TSC1: variants seen among roughly 807,000 people sequenced by gnomAD.
TSC1 encodes the protein TSC complex subunit 1.
A neutral mutation model predicts 124.3 loss-of-function variants in TSC1; 20 were observed. The observed-to-expected ratio is 0.16, with a 90% CI of 0.11 to 0.23. TSC1 has a LOEUF of 0.23. Ranked by LOEUF, TSC1 falls within the 10% of genes least tolerant of loss-of-function variation. The pLI, the probability that TSC1 is intolerant of heterozygous loss-of-function variation, is 1.00. For missense variants in TSC1, 1,124 were observed against 1,448.5 expected, an observed-to-expected ratio of 0.78 and a Z score of 3.64; for synonymous variants, 493 against 539.1, an observed-to-expected ratio of 0.91 and a Z score of 1.19.
rs1564469544 is a variant in TSC1, at chr9:132,896,307, A to T, written c.3423T>A (p.Ser1141=). The T allele has an allele frequency of 1.2e-6, 2 of 1,614,038 alleles. No individual in the cohort carries two copies. The highest frequency in any genetic ancestry group is 1.7e-6 in the Non-Finnish European group (2 of 1,179,996). ...GTCCAACACTGTCCGGGGTCGGGGG[A>T]GACGGGTGAGGGCCATCTAGGTTCA... ...IPLNLDGPHP[S]PPTPDSVGQL... Residue 1141 remains serine (S), a synonymous_variant, in exon 23 of 23, where the codon TCT becomes TCA. Coordinates refer to ENST00000298552, the MANE Select transcript of TSC1 (RefSeq NM_000368.5). The surrounding 1 kb of genome is among the most constrained non-coding windows in gnomAD (Gnocchi z 4.5).
rs1846691698 is a variant in TSC1, at chr9:132,923,624, C to T, written c.364-132G>A. ...CAAGTTGACTCACGTACTCATTTCCCTATCCCTAAGGATTACTGAAGGGAT... is the reference window on the plus strand; with the variant it reads ...CAAGTTGACTCACGTACTCATTTCCTTATCCCTAAGGATTACTGAAGGGAT... On this transcript the variant is annotated intron_variant, in intron 5 of 22. Coordinates refer to ENST00000298552, the MANE Select transcript of TSC1 (RefSeq NM_000368.5). This position sits in a 1 kb window ranked among gnomAD's most constrained non-coding sequence, Gnocchi z 4.2. 1 of 1,283,506 alleles carries T rather than the reference C, an allele frequency of 7.8e-7. No homozygotes were observed. The highest frequency in any genetic ancestry group is 1.1e-6 in the Non-Finnish European group (1 of 901,698). The allele number at this position is 1,283,506 out of a possible 1,614,324, so 79.5% of individuals were successfully genotyped here.
intron 12 of TSC1, among the ~76,000 whole-genome samples, chr9:132,909,280 G>A (rs1454357624): frequency 6.6e-6 from 1 of 152,096 alleles, no homozygotes; most frequent in Non-Finnish European, 1.5e-5. Context: ...GAAAATATTG[G>A]CTCCTCAAGC....
At chr9:132,925,180 T>C (rs1166381406) in intron 5 of TSC1, among the ~76,000 whole-genome samples, 1 of 152,240 alleles carries the variant, frequency 6.6e-6, no homozygotes, top group Non-Finnish European at 1.5e-5. Flanking sequence ...TAATTATAGC[T>C]GCAACCAGAC....
rs878853959 is a variant in TSC1 at position 132,910,578 on chromosome 9, G to A, written c.1256C>T (p.Pro419Leu). 6.2e-7 allele frequency: 1 copy of A among 1,614,060 alleles called. No homozygotes were observed. The highest frequency in any genetic ancestry group is 8.5e-7 in the Non-Finnish European group (1 of 1,180,028). Residue 419 changes from proline to leucine, a missense_variant, in exon 12 of 23, where the codon CCC becomes CTC. Transcript: ENST00000298552. ...ISLPQATVTP[P>L]RKEERMDSAR... Reference sequence around the variant, plus strand: ...AGACGAGCTGGATCGCACCTTCCTGGGGGGTGTGACTGTGGCCTGGGGGAG... The same window carrying A: ...AGACGAGCTGGATCGCACCTTCCTGAGGGGTGTGACTGTGGCCTGGGGGAG...
At chr9:132,898,602 C>T (rs1480788308) in intron 20 of TSC1, among the ~76,000 whole-genome samples, 1 of 152,216 alleles carries the variant, frequency 6.6e-6, no homozygotes, top group Admixed American at 6.5e-5. Flanking sequence ...GGCTCGACTT[C>T]AGCACAGGGT....
chr9:132,920,382 A>G (rs1846483467), intron 8 of TSC1, among the ~76,000 whole-genome samples: 1 of 152,236 alleles, frequency 6.6e-6, no homozygotes, highest in Non-Finnish European at 1.5e-5. Context: ...TCTCTGAGGT[A>G]GTAGGGAGAA....
intron 8 of TSC1, among the ~76,000 whole-genome samples, chr9:132,919,625 T>G (rs886158621): frequency 2.0e-5 from 3 of 152,142 alleles, no homozygotes; most frequent in African/African-American, 7.2e-5. Context: ...AAAAAGCTCC[T>G]AGAGGCTATG....
rs118203355 is a variant in TSC1 at position 132,925,723 on chromosome 9, A to C, written c.227T>G (p.Ile76Ser). The stretch of plus-strand genomic sequence containing the variant: ...GGCGGCTTTGCCCACATATTCGTTA[A>C]TCCTGTCCAAGAGGTGCTGAAAATG... ...EPHDKHLLDR[I>S]NEYVGKAATR... is the part of the protein sequence containing the mutation. The change falls in exon 5 of 23, where the codon ATT becomes AGT. Residue 76 changes from isoleucine (I) to serine (S), a missense_variant. Physicochemically the swap from Ile to Ser is moderately radical, Grantham distance 142. Around this residue, in one of 5 missense-constraint regions of TSC1, gnomAD observed 463 missense variants for 606.8 expected, o/e 0.76. Coordinates refer to ENST00000298552, the MANE Select transcript of TSC1 (RefSeq NM_000368.5). 6.2e-7 allele frequency: 1 copy of C among 1,614,122 alleles called. No individual in the cohort carries two copies. The highest frequency in any genetic ancestry group is 8.5e-7 in the Non-Finnish European group (1 of 1,180,056).
At chr9:132,919,439 A>G (rs1441241507) in intron 8 of TSC1, among the ~76,000 whole-genome samples, 1 of 152,196 alleles carries the variant, frequency 6.6e-6, no homozygotes, top group Non-Finnish European at 1.5e-5. Flanking sequence ...CAACAAAGAG[A>G]ACTCCCTACC....
rs1845669919 is a variant in TSC1 at position 132,906,338 on chromosome 9, G to A, written c.1439-199C>T. ...AGGAGGGAGGATCACTTGAGCCCAGGAGTTAGAGACCAGCCTGGACAACAT... is the reference window on the plus strand; with the variant it reads ...AGGAGGGAGGATCACTTGAGCCCAGAAGTTAGAGACCAGCCTGGACAACAT... On this transcript the variant is annotated intron_variant, in intron 14 of 22. Transcript: ENST00000298552. The surrounding 1 kb of genome is among the most constrained non-coding windows in gnomAD (Gnocchi z 4.1). The A allele has an allele frequency of 3.0e-6, 2 of 666,416 alleles. No individual in the cohort carries two copies. Among genetic ancestry groups the A allele is most frequent in the Non-Finnish European group, 5.3e-6 (2 of 374,754 alleles). The allele number at this position is 666,416 out of a possible 1,614,324, so 41.3% of individuals were successfully genotyped here.
chr9:132,925,828 A>C, intron 4 of TSC1, 89 bp from the exon 5 acceptor site: 1 of 1,522,202 alleles, frequency 6.6e-7, no homozygotes, highest in Non-Finnish European at 9.1e-7. Context: ...CCAATCTCTC[A>C]AGTCTTGTCT....
At chr9:132,916,854 C>A (rs971532948) in intron 8 of TSC1, among the ~76,000 whole-genome samples, 1 of 152,188 alleles carries the variant, frequency 6.6e-6, no homozygotes, top group East Asian at 1.9e-4. Flanking sequence ...TTTCCCTGGA[C>A]ATGGTCCTGT....
At chr9:132,912,616 GC>G (rs983126857) in intron 8 of TSC1, 159 bp from the exon 9 acceptor site, 2 of 767,930 alleles carry the variant, frequency 2.6e-6, no homozygotes, top group African/African-American at 3.5e-5. Flanking sequence ...TAAAGAAATA[GC>G]CATTCATTTT....
At chr9:132,928,687 G>A (rs1847025604) in intron 3 of TSC1, 80 bp downstream of exon 3, 1 of 1,570,172 alleles carries the variant, frequency 6.4e-7, no homozygotes, top group Non-Finnish European at 8.7e-7. Context: ...AAACTAAAAT[G>A]TATCAGCAGG....
At chr9:132,934,300 A>T (rs1296477124) in intron 2 of TSC1, among the ~76,000 whole-genome samples, 1 of 152,258 alleles carries the variant, frequency 6.6e-6, no homozygotes, top group Admixed American at 6.5e-5. Flanking sequence ...TAAGTCACTA[A>T]GAGGAAATTC....
intron 1 of TSC1, chr9:132,939,051 A>T (rs1258178715): frequency 6.6e-6 from 1 of 152,222 alleles, no homozygotes; most frequent in Non-Finnish European, 1.5e-5. Context: ...ATAAAAATTC[A>T]AGGACAATTC....
intron 2 of TSC1, among the ~76,000 whole-genome samples, chr9:132,930,457 G>A (rs1418534564): frequency 1.3e-5 from 2 of 151,792 alleles, no homozygotes; most frequent in Non-Finnish European, 2.9e-5. Flanking sequence ...GTGTGGTGGC[G>A]TGTGCCTGTA....
At chr9:132,928,674 T>C (rs1847024263) in intron 3 of TSC1, 93 bp downstream of exon 3, 2 of 1,542,842 alleles carry the variant, frequency 1.3e-6, no homozygotes, top group African/African-American at 2.7e-5. Context: ...TTTCAGAAGA[T>C]GAAAACTAAA....
rs775305403 is a variant in TSC1 at position 132,897,246 on chromosome 9, T to C, written c.2913A>G (p.Lys971=). 1 of 1,614,260 alleles carries C rather than the reference T, an allele frequency of 6.2e-7. No homozygotes were observed. Reference sequence around the variant, plus strand: ...CTTCAAGTTTTTTCAGGAGGCCATCTTTCTCCAACCTGCCATATAAATCTA... The same window carrying C: ...CTTCAAGTTTTTTCAGGAGGCCATCCTTCTCCAACCTGCCATATAAATCTA... ...EILDLYGRLE[K]DGLLKKLEEE... Residue 971 remains lysine (K), a synonymous_variant, in exon 22 of 23, where the codon AAA becomes AAG. Coordinates refer to ENST00000298552, the MANE Select transcript of TSC1 (RefSeq NM_000368.5).
Sources: allele counts gnomAD v4.1 joint callset (sites outside exome capture counted in the v4.1 genomes callset), GRCh38; gene constraint gnomAD v4.1.1; regional missense constraint gnomAD v4.1.1; non-coding constraint Gnocchi (gnomAD v3.1); transcripts MANE v1.5; gene names NCBI Gene and HGNC (gene_info 2026-07-23, HGNC 2026-07-21).